The following PTPRQ variants were observed in gnomAD, a reference collection of about 807,000 sequenced individuals.
PTPRQ encodes protein tyrosine phosphatase receptor type Q, also known as phosphatidylinositol phosphatase PTPRQ.
A neutral mutation model predicts 246.0 loss-of-function variants in PTPRQ; 199 were observed. The observed-to-expected ratio is 0.81, with a 90% CI of 0.72 to 0.91. The LOEUF is 0.91. PTPRQ is among the 40% of genes least tolerant of loss of function. The pLI is 0.00. For missense variants in PTPRQ, 2,624 were observed against 2,528.4 expected (o/e 1.04, Z -0.81); for synonymous variants, 869 against 853.2 (o/e 1.02, Z -0.32).
At chr12:80,675,692 C>G (rs564401391) in intron 43 of PTPRQ, among the ~76,000 whole-genome samples, 1 of 152,242 alleles carries the variant, frequency 6.6e-6, no homozygotes, top group Non-Finnish European at 1.5e-5. Context: ...AATAATTTTA[C>G]CCAATTTAGT....
At chr12:80,448,496 G>T (rs1892626902) in intron 3 of PTPRQ, among the ~76,000 whole-genome samples, 1 of 151,956 alleles carries the variant, frequency 6.6e-6, no homozygotes. Flanking sequence ...CTAGAATTAG[G>T]TATATCTCCC....
chr12:80,495,163 TC>T, intron 11 of PTPRQ, 28 bp from the exon 12 acceptor site: 4 of 1,547,614 alleles, frequency 2.6e-6, no homozygotes, highest in Non-Finnish European at 2.6e-6. Context: ...TACTTTTTTT[TC>T]ATTCATATGT....
chr12:80,503,008 G>T (rs1319221524), intron 14 of PTPRQ, among the ~76,000 whole-genome samples: 2 of 151,698 alleles, frequency 1.3e-5, no homozygotes, highest in Admixed American at 6.6e-5. Flanking sequence ...ATTACCAGTT[G>T]TCTGTCTTAA....
rs1565754451 is a variant in PTPRQ at position 80,510,427 on chromosome 12, TAC to T, written c.2666_2667del (p.Thr889SerfsTer6). 6.5e-7 allele frequency: 1 copy of T among 1,549,898 alleles called. No homozygotes were observed. The highest frequency in any genetic ancestry group is 2.0e-5 in the Admixed American group (1 of 50,898). On this transcript the variant is annotated frameshift_variant, in exon 17 of 45. Transcript: ENST00000644991. LOFTEE classifies it high-confidence loss of function. The part of the protein sequence containing the change: ...PLEPNGIILY[Y>X]TVYVWNRSSL... ...GGAGCCAAATGGAATTATCCTTTATTACACAGTTTATGTCTGGTAATAATTTT... is the reference window on the plus strand; with the variant it reads ...GGAGCCAAATGGAATTATCCTTTATTACAGTTTATGTCTGGTAATAATTTT...
In PTPRQ at chr12:80,495,086, G is replaced by T; in HGVS notation, c.1694G>T (p.Arg565Leu). The change falls in exon 11 of 45, where the codon CGT becomes CTT. Residue 565 changes from arginine to leucine, a missense_variant. Transcript: ENST00000644991. ...GPPTVLSVRTRQQVPSSIKII... is the reference protein window; with the variant it reads ...GPPTVLSVRTLQQVPSSIKII... ...CCAACAGTTCTCAGTGTTAGGACAC[G>T]TCAGCAAGGTAAGGATGTATTTCCT... 2.6e-6 allele frequency: 4 copies of T among 1,550,424 alleles called. No homozygotes were observed. Among genetic ancestry groups the T allele is most frequent in the Non-Finnish European group, 3.5e-6 (4 of 1,146,184 alleles).
At chr12:80,664,107 A>G (rs1236776510) in intron 39 of PTPRQ, among the ~76,000 whole-genome samples, 1 of 151,974 alleles carries the variant, frequency 6.6e-6, no homozygotes, top group Admixed American at 6.6e-5. Flanking sequence ...CTGTGTTACT[A>G]GAAGTGTATT....
intron 25 of PTPRQ, among the ~76,000 whole-genome samples, chr12:80,554,206 T>G (rs914246932): frequency 1.3e-5 from 2 of 152,150 alleles, no homozygotes; most frequent in East Asian, 3.8e-4. Context: ...GTAGCTAAAA[T>G]AGTATAATTG....
Position 80,516,023 on chromosome 12 carries a change from T to C in PTPRQ, c.2678+5580T>C, listed in dbSNP as rs1895287733. 2.6e-5 allele frequency among the ~76,000 whole-genome samples: 4 copies of C among 151,992 alleles called. No homozygotes were observed. The South Asian group carries it at 6.2e-4, about 24-fold the overall frequency. On this transcript the variant is annotated intron_variant, in intron 17 of 44. Coordinates refer to ENST00000644991, the MANE Select transcript of PTPRQ (RefSeq NM_001145026.2). ...TCCATCAAGATGGTAAACTAGCATT[T>C]CCCCCCTGCAGTTATTGATAAATAA...
chr12:80,657,878 G>A, intron 38 of PTPRQ, 107 bp from the exon 39 acceptor site: 1 of 777,872 alleles, frequency 1.3e-6, no homozygotes, highest in Non-Finnish European at 1.8e-6. Context: ...CGCCATCTGT[G>A]AAATTGGAAT....
chr12:80,671,799 A>G (rs922470676), intron 42 of PTPRQ, among the ~76,000 whole-genome samples: 1 of 152,052 alleles, frequency 6.6e-6, no homozygotes, highest in African/African-American at 2.4e-5. Flanking sequence ...TTTGAGCCAG[A>G]AGCCCTGGAG....
chr12:80,671,948 A>G (rs1436947964), intron 42 of PTPRQ, among the ~76,000 whole-genome samples: 1 of 151,828 alleles, frequency 6.6e-6, no homozygotes, highest in Non-Finnish European at 1.5e-5. Context: ...AAATGCTGCC[A>G]CCTCAGGTCT....
Position 80,546,632 on chromosome 12 carries a change from C to T in PTPRQ, c.3950C>T (p.Ala1317Val), listed in dbSNP as rs571492507. 1.4e-4 allele frequency: 223 copies of T among 1,551,354 alleles called. 1 individual carries two copies. The South Asian group carries it at 2.1e-3, about 15-fold the overall frequency. ...PVSTYSIRVS[A>V]FTKVGNGNQF... ...AGCACCTACTCTATCCGTGTATCTG[C>T]GTTCACCAAAGTTGGAAATGGCAAT... Residue 1317 changes from alanine (A) to valine (V), a missense_variant, in exon 24 of 45, where the codon GCG becomes GTG. Coordinates refer to ENST00000644991, the MANE Select transcript of PTPRQ (RefSeq NM_001145026.2).
intron 33 of PTPRQ, among the ~76,000 whole-genome samples, chr12:80,623,232 T>C (rs1899063388): frequency 6.6e-6 from 1 of 152,128 alleles, no homozygotes; most frequent in South Asian, 2.1e-4. Context: ...GAAATACTAA[T>C]TGTATAAAAA....
chr12:80,488,471 C>G (rs1002260966), intron 9 of PTPRQ, among the ~76,000 whole-genome samples: 2 of 152,062 alleles, frequency 1.3e-5, no homozygotes, highest in African/African-American at 4.8e-5. Flanking sequence ...AGTAACCTAA[C>G]TCTTCACTAG....
At chr12:80,564,873 C>T (rs1896932143) in intron 25 of PTPRQ, among the ~76,000 whole-genome samples, 1 of 152,080 alleles carries the variant, frequency 6.6e-6, no homozygotes, top group Non-Finnish European at 1.5e-5. Context: ...TGTCTAAGTA[C>T]AGACATTATG....
intron 26 of PTPRQ, among the ~76,000 whole-genome samples, chr12:80,590,769 C>CTTTTACCT (rs2121028441): frequency 6.6e-6 from 1 of 151,210 alleles, no homozygotes; most frequent in South Asian, 2.1e-4. Flanking sequence ...TATGACCTGG[C>CTTTTACCT]TTTTACCTTA....
At chr12:80,676,237 C>G (rs546020085) in intron 43 of PTPRQ, among the ~76,000 whole-genome samples, 24 of 152,294 alleles carry the variant, frequency 1.6e-4, no homozygotes, top group African/African-American at 5.8e-4. Flanking sequence ...GAGGAATATT[C>G]CTGTCTTAGC....
chr12:80,646,805 G>A (rs1168326563), intron 35 of PTPRQ, among the ~76,000 whole-genome samples: 1 of 151,992 alleles, frequency 6.6e-6, no homozygotes, highest in Non-Finnish European at 1.5e-5. Flanking sequence ...ATTAAGAATA[G>A]TGAAACAGCA....
At chr12:80,659,598 C>T (rs960805109) in intron 39 of PTPRQ, among the ~76,000 whole-genome samples, 2 of 151,952 alleles carry the variant, frequency 1.3e-5, no homozygotes, top group African/African-American at 4.8e-5. Context: ...GTAGGTGTAG[C>T]TGAACCACAC....
Sources: gnomAD v4.1 joint callset for allele counts (sites outside exome capture counted in the v4.1 genomes callset) on GRCh38, gnomAD v4.1.1 for gene constraint, MANE v1.5 for transcripts, NCBI Gene and HGNC (gene_info 2026-07-23, HGNC 2026-07-21) for gene names.